CTNND2: variants seen among roughly 807,000 people sequenced by gnomAD.
CTNND2 encodes catenin delta 2.
A neutral mutation model predicts 144.4 loss-of-function variants in CTNND2; 22 were observed. The ratio of observed to expected loss-of-function variants is 0.15; its 90% CI spans 0.11 to 0.22. The LOEUF is 0.22. Ranked by LOEUF, CTNND2 falls within the 10% of genes least tolerant of loss-of-function variation. The pLI, the probability that CTNND2 is intolerant of heterozygous loss-of-function variation, is 1.00. For synonymous variants in CTNND2, 751 were observed against 695.6 expected (o/e 1.08, Z -1.25); for missense variants, 1,353 against 1,618.8 (o/e 0.84, Z 2.82).
At chr5:11,612,544 C>G (rs1475863225) in intron 2 of CTNND2, among the ~76,000 whole-genome samples, 4 of 152,104 alleles carry the variant, frequency 2.6e-5, no homozygotes, top group Admixed American at 6.5e-5. Flanking sequence ...GAAAACATAG[C>G]TGAAAGCAAC....
chr5:11,308,149 G>A (rs936612351), intron 9 of CTNND2, among the ~76,000 whole-genome samples: 94 of 152,132 alleles, frequency 6.2e-4, no homozygotes, highest in African/African-American at 2.2e-3. Flanking sequence ...TTTTGTTACA[G>A]CAGCCCAACT....
At chr5:11,475,894 C>T (rs1414573964) in intron 3 of CTNND2, among the ~76,000 whole-genome samples, 1 of 152,032 alleles carries the variant, frequency 6.6e-6, no homozygotes, top group African/African-American at 2.4e-5. Context: ...GGATCTCATT[C>T]GGTAACCCAG....
intron 16 of CTNND2, among the ~76,000 whole-genome samples, chr5:11,062,955 T>C (rs1245571322): frequency 6.6e-6 from 1 of 152,216 alleles, no homozygotes; most frequent in Admixed American, 6.5e-5. Context: ...GGAACAACCA[T>C]GATGATGGAC....
At chr5:11,732,395 A>G (rs922832377) in intron 1 of CTNND2, 123 bp from the exon 2 acceptor site, 39 of 838,830 alleles carry the variant, frequency 4.6e-5, no homozygotes, top group South Asian at 1.7e-4. Flanking sequence ...GAGAAAGACC[A>G]AGACATAATT....
intron 2 of CTNND2, among the ~76,000 whole-genome samples, chr5:11,623,800 GTGTGTATGTATATA>G (rs1236949851): frequency 0.049 from 4,190 of 85,442 alleles, 275 homozygotes; most frequent in Middle Eastern, 0.13. Context: ...ATATATATAT[GTGTGTATGTATATA>G]TATATATATA....
rs146555008 is a variant in CTNND2 at position 11,504,477 on chromosome 5, T to G, written c.287+60467A>C. On this transcript the variant is annotated intron_variant, in intron 3 of 21. Coordinates refer to ENST00000304623, the MANE Select transcript of CTNND2 (RefSeq NM_001332.4). ...CCTGCTTCAGTTGAGAATCCTCCTA[T>G]GGTAACAAAGAGGCATGGCTGGCTT... 2.9e-3 allele frequency among the ~76,000 whole-genome samples: 438 copies of G among 152,284 alleles called. 4 individuals carry two copies. The highest frequency in any genetic ancestry group is 0.014 in the Middle Eastern group (4 of 294).
chr5:11,117,646 A>G (rs1753695483), intron 12 of CTNND2, 79 bp from the exon 13 acceptor site: 3 of 1,115,758 alleles, frequency 2.7e-6, no homozygotes, highest in East Asian at 2.4e-5. Flanking sequence ...CTGCTCTCAT[A>G]GTTTGAAAGT....
chr5:11,459,076 G>A (rs1765976198), intron 3 of CTNND2, among the ~76,000 whole-genome samples: 1 of 152,056 alleles, frequency 6.6e-6, no homozygotes, highest in Admixed American at 6.6e-5. Flanking sequence ...GGCCCTTAAG[G>A]ACTTCTTATA....
intron 3 of CTNND2, among the ~76,000 whole-genome samples, chr5:11,532,031 C>T (rs1203598064): frequency 6.6e-6 from 1 of 152,194 alleles, no homozygotes; most frequent in African/African-American, 2.4e-5. Context: ...CAGCTGTCAA[C>T]CCCTTCAGGA....
chr5:11,424,241 C>A (rs904135143), intron 3 of CTNND2, among the ~76,000 whole-genome samples: 1 of 152,052 alleles, frequency 6.6e-6, no homozygotes. Context: ...AAGGGAATTG[C>A]GCTGAGTGAA....
At chr5:11,424,659 A>C (rs941047917) in intron 3 of CTNND2, among the ~76,000 whole-genome samples, 2 of 152,118 alleles carry the variant, frequency 1.3e-5, no homozygotes, top group African/African-American at 4.8e-5. Context: ...GTTATTTCAA[A>C]ATAAAAAAGC....
chr5:11,849,144 A>G (rs560861605), intron 1 of CTNND2, among the ~76,000 whole-genome samples: 7 of 152,298 alleles, frequency 4.6e-5, no homozygotes, highest in South Asian at 4.1e-4. Context: ...CAATCATGGC[A>G]GATGACAAAA....
At chr5:11,609,117 T>C (rs1242199147) in intron 2 of CTNND2, among the ~76,000 whole-genome samples, 2 of 152,204 alleles carry the variant, frequency 1.3e-5, no homozygotes, top group African/African-American at 4.8e-5. Flanking sequence ...CCCAAGTCTC[T>C]CTGGTTCACT....
At chr5:11,129,210 TA>T (rs1341095340) in intron 12 of CTNND2, among the ~76,000 whole-genome samples, 1 of 29,138 alleles carries the variant, frequency 3.4e-5, no homozygotes, top group African/African-American at 9.8e-5. Context: ...ATTATATATT[TA>T]TATATTATAT....
At chr5:11,465,039 C>A (rs921036303) in intron 3 of CTNND2, among the ~76,000 whole-genome samples, 1 of 152,136 alleles carries the variant, frequency 6.6e-6, no homozygotes, top group African/African-American at 2.4e-5. Flanking sequence ...TTCTTCCCCT[C>A]CCCCTAGCCC....
At chr5:10,985,173 G>A (rs1737788188) in intron 20 of CTNND2, among the ~76,000 whole-genome samples, 1 of 152,188 alleles carries the variant, frequency 6.6e-6, no homozygotes, top group Admixed American at 6.5e-5. Context: ...GGATGAAAGG[G>A]TATGTGGGAA....
intron 2 of CTNND2, among the ~76,000 whole-genome samples, chr5:11,650,934 G>C (rs946684103): frequency 6.6e-6 from 1 of 152,182 alleles, no homozygotes; most frequent in Admixed American, 6.5e-5. Flanking sequence ...AAAACTTGCA[G>C]CCTAACCATG....
intron 20 of CTNND2, among the ~76,000 whole-genome samples, chr5:10,987,319 G>A (rs1738105928): frequency 6.6e-6 from 1 of 152,200 alleles, no homozygotes; most frequent in South Asian, 2.1e-4. Flanking sequence ...AGACTATACA[G>A]TGACTTAAGG....
At chr5:11,079,457 C>T (rs958247810) in intron 16 of CTNND2, among the ~76,000 whole-genome samples, 2 of 152,196 alleles carry the variant, frequency 1.3e-5, no homozygotes, top group Non-Finnish European at 2.9e-5. Context: ...GTGTCATCCT[C>T]TGAGAGGTTT....
Sources: allele counts gnomAD v4.1 joint callset (sites outside exome capture counted in the v4.1 genomes callset), GRCh38; gene constraint gnomAD v4.1.1; transcripts MANE v1.5; gene names NCBI Gene and HGNC (gene_info 2026-07-23, HGNC 2026-07-21).